Variants in ZDHHC17 observed in about 807,000 individuals in gnomAD.
ZDHHC17 encodes palmitoyltransferase ZDHHC17.
In ZDHHC17, 40 loss-of-function variants were observed where a neutral mutation model predicts 90.3. The observed-to-expected ratio is 0.44, with a 90% confidence interval of 0.34 to 0.58. ZDHHC17 has a LOEUF of 0.58. ZDHHC17 is among the 20% of genes least tolerant of loss of function. The pLI, the probability that ZDHHC17 is intolerant of heterozygous loss-of-function variation, is 0.01. For missense variants in ZDHHC17, 614 were observed against 780.8 expected, an observed-to-expected ratio of 0.79 and a Z score of 2.55; for synonymous variants, 235 against 252.4, an observed-to-expected ratio of 0.93 and a Z score of 0.65.
At chr12:76,825,290 A>T (rs550866005) in intron 8 of ZDHHC17, among the ~76,000 whole-genome samples, 2 of 152,338 alleles carry the variant, frequency 1.3e-5, no homozygotes, top group African/African-American at 4.8e-5. Context: ...TAATTATTCC[A>T]AAATAAGAAG....
In ZDHHC17 at chr12:76,851,108, G is replaced by A; in HGVS notation, c.*123G>A. The A allele has an allele frequency of 8.7e-7, 1 of 1,155,752 alleles. No homozygotes were observed. Among genetic ancestry groups the A allele is most frequent in the Non-Finnish European group, 1.2e-6 (1 of 839,608 alleles). The allele number at this position is 1,155,752 out of a possible 1,614,324, so 71.6% of individuals were successfully genotyped here. On this transcript the variant is annotated 3_prime_UTR_variant, in exon 17 of 17. Coordinates refer to ENST00000426126, the MANE Select transcript of ZDHHC17 (RefSeq NM_015336.4). ...GCATGCTATGTGTAGGGCTAATGGT[G>A]AATTTTACAGTCTTTTTTTCAACAC...
intron 7 of ZDHHC17, among the ~76,000 whole-genome samples, chr12:76,817,631 T>G (rs1309129485): frequency 6.6e-6 from 1 of 152,100 alleles, no homozygotes; most frequent in Non-Finnish European, 1.5e-5. Context: ...TAGGTTAAAT[T>G]CAGTCACAGT....
At chr12:76,781,562 A>G (rs953333745) in intron 1 of ZDHHC17, 6 of 453,184 alleles carry the variant, frequency 1.3e-5, no homozygotes, top group African/African-American at 1.0e-4. Context: ...AAGTAAGTTT[A>G]GTCCTCTCGT....
chr12:76,775,875 C>A (rs1048570840), intron 1 of ZDHHC17, among the ~76,000 whole-genome samples: 6 of 152,034 alleles, frequency 3.9e-5, no homozygotes, highest in Non-Finnish European at 8.8e-5. Context: ...TATAAATATT[C>A]ATTAATCTTT....
At chr12:76,784,376 G>A (rs1159151348) in intron 1 of ZDHHC17, among the ~76,000 whole-genome samples, 1 of 152,140 alleles carries the variant, frequency 6.6e-6, no homozygotes, top group Non-Finnish European at 1.5e-5. Flanking sequence ...GGTGAAGCTC[G>A]GGTAGAAGAT....
chr12:76,766,023 C>T (rs143523920), intron 1 of ZDHHC17, among the ~76,000 whole-genome samples: 64 of 152,322 alleles, frequency 4.2e-4, no homozygotes, highest in African/African-American at 1.5e-3. Context: ...TTTTAGCATA[C>T]TGTTCTTCAT....
At chr12:76,793,677 C>A (rs1312089229) in intron 1 of ZDHHC17, among the ~76,000 whole-genome samples, 1 of 152,008 alleles carries the variant, frequency 6.6e-6, no homozygotes, top group Non-Finnish European at 1.5e-5. Context: ...TTAGGTGTAC[C>A]CTAGGTAGGG....
intron 1 of ZDHHC17, among the ~76,000 whole-genome samples, chr12:76,781,000 A>G (rs568028968): frequency 7.5e-4 from 114 of 152,070 alleles, no homozygotes; most frequent in Middle Eastern, 3.4e-3. Flanking sequence ...CGGGCGTGGT[A>G]GCAGGCGCCC....
chr12:76,773,522 T>C (rs901511145), intron 1 of ZDHHC17, among the ~76,000 whole-genome samples: 3 of 152,226 alleles, frequency 2.0e-5, no homozygotes, highest in African/African-American at 7.2e-5. Context: ...TCATTTACTT[T>C]TCACAGTAGT....
In ZDHHC17 at chr12:76,833,011, T is replaced by C. The variant is rs559533762; in HGVS notation, c.1141+4521T>C. ...ATCATGGAGGTGTGAGGATCAACTG[T>C]ATAAACTTTATTTTGGTTTCCTACA... On this transcript the variant is annotated intron_variant, in intron 10 of 16. Coordinates refer to ENST00000426126, the MANE Select transcript of ZDHHC17 (RefSeq NM_015336.4). 5.3e-5 allele frequency among the ~76,000 whole-genome samples: 8 copies of C among 152,326 alleles called. No homozygotes were observed. The South Asian group carries it at 1.7e-3, about 32-fold the overall frequency.
At chr12:76,795,215 T>TGG (rs1364352239) in intron 1 of ZDHHC17, among the ~76,000 whole-genome samples, 6 of 144,464 alleles carry the variant, frequency 4.2e-5, no homozygotes, top group Non-Finnish European at 6.3e-5. Context: ...GTTTGGTTCA[T>TGG]GGGTGTGTGT....
At position 76,815,214 on chromosome 12, in the gene ZDHHC17, T is replaced by A; in HGVS notation, c.608+4T>A. ...GGGCAGCATATAGAACACATAGGTA[T>A]GTAATGACTATAAAAAACTTATTTA... On this transcript the variant is annotated splice_donor_region_variant and intron_variant, in intron 6 of 16. Coordinates refer to ENST00000426126, the MANE Select transcript of ZDHHC17 (RefSeq NM_015336.4). The A allele has an allele frequency of 6.5e-7, 1 of 1,547,998 alleles. No homozygotes were observed. The highest frequency in any genetic ancestry group is 8.7e-7 in the Non-Finnish European group (1 of 1,143,624).
chr12:76,844,837 T>C (rs1487959961), intron 12 of ZDHHC17: 1 of 152,160 alleles, frequency 6.6e-6, no homozygotes, highest in Non-Finnish European at 1.5e-5. Context: ...AATTTTTTTC[T>C]GGCAAGAGTT....
At chr12:76,764,961 A>G (rs1037073842) in intron 1 of ZDHHC17, 2 of 419,542 alleles carry the variant, frequency 4.8e-6, no homozygotes, top group African/African-American at 4.1e-5. Flanking sequence ...TCTAGGAGCT[A>G]GGGGTGGACA....
rs1953582930 is a variant in ZDHHC17 at position 76,852,967 on chromosome 12, G to T, written c.*1982G>T. ...TTTGTTTTAATTTTTTGTATTTTGA[G>T]CCACTTCACATGAAGACTCAGTTGC... On this transcript the variant is annotated 3_prime_UTR_variant, in exon 17 of 17. Coordinates refer to ENST00000426126, the MANE Select transcript of ZDHHC17 (RefSeq NM_015336.4). 6.6e-6 allele frequency: 1 copy of T among 152,406 alleles called. No individual in the cohort carries two copies. The highest frequency in any genetic ancestry group is 1.5e-5 in the Non-Finnish European group (1 of 67,998). 9.4% of individuals were successfully genotyped at this position (152,406 alleles called of 1,614,324 possible). A position where few individuals can be genotyped will look rare whatever the true frequency, so the allele number is the denominator to read the frequency against.
chr12:76,767,032 A>G (rs55713540), intron 1 of ZDHHC17, among the ~76,000 whole-genome samples: 21,087 of 150,654 alleles, frequency 0.14, 1,893 homozygotes, highest in Non-Finnish European at 0.2. Flanking sequence ...AAAAAAAAAA[A>G]AAGAAAAGAA....
In ZDHHC17 at chr12:76,775,487, T is replaced by A. The variant is rs192842823; in HGVS notation, c.93+11158T>A. On this transcript the variant is annotated intron_variant, in intron 1 of 16. Coordinates refer to ENST00000426126, the MANE Select transcript of ZDHHC17 (RefSeq NM_015336.4). ...CAGTAACTGATTTGTTTATCTCCAT[T>A]TGATATAGCCTAAAGAGTGATATTT... Among the ~76,000 whole-genome samples, 210 of 152,322 alleles carry A rather than the reference T, an allele frequency of 1.4e-3. 1 individual carries two copies. The highest frequency in any genetic ancestry group is 4.7e-3 in the African/African-American group (197 of 41,586).
chr12:76,804,631 A>C (rs536261665), intron 2 of ZDHHC17, among the ~76,000 whole-genome samples: 1 of 152,330 alleles, frequency 6.6e-6, no homozygotes, highest in East Asian at 1.9e-4. Flanking sequence ...TGTGAAATCA[A>C]AACTTAAGCG....
At chr12:76,845,549 C>A (rs1390310189) in intron 12 of ZDHHC17, 160 bp from the exon 13 acceptor site, 4 of 345,250 alleles carry the variant, frequency 1.2e-5, no homozygotes, top group African/African-American at 4.3e-5. Context: ...TTTTATTAAA[C>A]AATAGTGACT....
Sources: allele counts gnomAD v4.1 joint callset (sites outside exome capture counted in the v4.1 genomes callset), GRCh38; gene constraint gnomAD v4.1.1; transcripts MANE v1.5; gene names NCBI Gene and HGNC (gene_info 2026-07-23, HGNC 2026-07-21).